The following DPP10 variants were observed in gnomAD, a reference collection of about 807,000 sequenced individuals.
DPP10 encodes the protein inactive dipeptidyl peptidase 10.
DPP10 carries 33 observed loss-of-function variants against 120.9 expected under a neutral mutation model. The ratio of observed to expected loss-of-function variants is 0.27; its 90% confidence interval spans 0.21 to 0.37. The LOEUF is 0.37. Ranked by LOEUF, DPP10 falls within the 10% of genes least tolerant of loss-of-function variation. The pLI, the probability that DPP10 is intolerant of heterozygous loss-of-function variation, is 1.00. For synonymous variants in DPP10, 337 were observed against 326.1 expected (o/e 1.03, Z -0.36); for missense variants, 816 against 942.8 (o/e 0.87, Z 1.76).
At chr2:115,767,540 A>ACATAATATATATATATATAT (rs1194199662) in intron 12 of DPP10, among the ~76,000 whole-genome samples, 11 of 151,372 alleles carry the variant, frequency 7.3e-5, no homozygotes, top group Non-Finnish European at 1.5e-4. Context: ...AAATATATAT[A>ACATAATATATATATATATAT]GTGTGTGTAT....
intron 1 of DPP10, among the ~76,000 whole-genome samples, chr2:115,227,303 T>G (rs1023057873): frequency 2.0e-5 from 3 of 152,180 alleles, no homozygotes; most frequent in East Asian, 1.9e-4. Flanking sequence ...TTTTTTCTCA[T>G]AGTGAGGTCC....
chr2:114,465,001 T>C (rs1360807273), intron 1 of DPP10, among the ~76,000 whole-genome samples: 1 of 152,226 alleles, frequency 6.6e-6, no homozygotes, highest in African/African-American at 2.4e-5. Flanking sequence ...GTCAGAGTTG[T>C]CACACAGAAG....
At chr2:114,751,451 G>GACC (rs1338431252) in intron 1 of DPP10, among the ~76,000 whole-genome samples, 2 of 152,162 alleles carry the variant, frequency 1.3e-5, no homozygotes, top group Admixed American at 1.3e-4. Flanking sequence ...GCTGAGAAAT[G>GACC]ACCTTCTGTG....
At chr2:114,624,705 T>G (rs1694374061) in intron 1 of DPP10, among the ~76,000 whole-genome samples, 2 of 152,026 alleles carry the variant, frequency 1.3e-5, no homozygotes, top group African/African-American at 4.8e-5. Context: ...ATTACTAATG[T>G]GTTAATATCC....
intron 1 of DPP10, among the ~76,000 whole-genome samples, chr2:115,105,067 T>C (rs775308461): frequency 1.3e-5 from 2 of 152,140 alleles, no homozygotes; most frequent in Non-Finnish European, 2.9e-5. Flanking sequence ...AATTTCCCCA[T>C]GGTTACAAGG....
chr2:115,216,549 C>T (rs2056831470), intron 1 of DPP10, among the ~76,000 whole-genome samples: 2 of 151,970 alleles, frequency 1.3e-5, no homozygotes, highest in Admixed American at 6.6e-5. Flanking sequence ...TTTGGGAGGC[C>T]GAGGCAGGTG....
chr2:114,796,429 A>G (rs1683719161), intron 1 of DPP10, among the ~76,000 whole-genome samples: 1 of 151,844 alleles, frequency 6.6e-6, no homozygotes, highest in Non-Finnish European at 1.5e-5. Context: ...TGATTTTAAC[A>G]TTTTCTTTTC....
intron 1 of DPP10, among the ~76,000 whole-genome samples, chr2:115,148,494 A>G (rs191565254): frequency 6.6e-6 from 1 of 152,274 alleles, no homozygotes; most frequent in East Asian, 1.9e-4. Flanking sequence ...CATTTTGGAG[A>G]GGCAGGAGCA....
chr2:115,275,156 C>T (rs1055604167), intron 1 of DPP10, among the ~76,000 whole-genome samples: 2 of 152,168 alleles, frequency 1.3e-5, no homozygotes, highest in African/African-American at 4.8e-5. Flanking sequence ...GGGCATTTCA[C>T]AAAATGGACA....
intron 1 of DPP10, among the ~76,000 whole-genome samples, chr2:115,116,174 G>A (rs993184708): frequency 3.3e-5 from 5 of 152,018 alleles, no homozygotes; most frequent in Non-Finnish European, 1.5e-5. Context: ...CACTTACACA[G>A]TCTATGGGAC....
At position 115,161,993 on chromosome 2, in the gene DPP10, G is replaced by T. The variant is rs533316032; in HGVS notation, c.61-147246G>T. 595 of 1,393,454 alleles carry T rather than the reference G, an allele frequency of 4.3e-4. 14 individuals are homozygous for T. The South Asian group carries it at 6.5e-3, about 15-fold the overall frequency. The allele number at this position is 1,393,454 out of a possible 1,614,324, so 86.3% of individuals were successfully genotyped here. A position where few individuals can be genotyped will look rare whatever the true frequency, so the allele number is the denominator to read the frequency against. On this transcript the variant is annotated intron_variant, in intron 1 of 25. Coordinates refer to ENST00000410059, the MANE Select transcript of DPP10 (RefSeq NM_020868.6). The stretch of plus-strand genomic sequence containing the variant: ...GAAGCAGGAGCCGCAGCCCACCCCG[G>T]GGGCCAGGGCGAGCCAGGCGCAGCC...
intron 5 of DPP10, among the ~76,000 whole-genome samples, chr2:115,651,167 A>T (rs1281517711): frequency 6.6e-6 from 1 of 152,004 alleles, no homozygotes; most frequent in Non-Finnish European, 1.5e-5. Flanking sequence ...CTAGTCCAAA[A>T]CTATTTTTTT....
intron 5 of DPP10, among the ~76,000 whole-genome samples, chr2:115,592,596 A>T (rs1308003499): frequency 6.6e-6 from 1 of 151,956 alleles, no homozygotes; most frequent in Non-Finnish European, 1.5e-5. Flanking sequence ...AAACAAAAAA[A>T]AAAACAAAAA....
intron 11 of DPP10, among the ~76,000 whole-genome samples, chr2:115,761,471 A>C (rs1680106487): frequency 6.6e-6 from 1 of 152,198 alleles, no homozygotes; most frequent in Admixed American, 6.5e-5. Context: ...AAGACTTTGC[A>C]TTCTGTTAAT....
At chr2:115,478,481 A>T (rs571296031) in intron 3 of DPP10, among the ~76,000 whole-genome samples, 1 of 152,200 alleles carries the variant, frequency 6.6e-6, no homozygotes, top group Non-Finnish European at 1.5e-5. Context: ...AAAAGCCTCA[A>T]GATTTGGGTT....
chr2:115,289,546 A>G (rs867462266), intron 1 of DPP10, among the ~76,000 whole-genome samples: 1 of 151,548 alleles, frequency 6.6e-6, no homozygotes, highest in Non-Finnish European at 1.5e-5. Flanking sequence ...AGCCAAAGCA[A>G]TTCCAAGAAA....
At chr2:115,616,927 G>A (rs2084548592) in intron 5 of DPP10, among the ~76,000 whole-genome samples, 1 of 151,956 alleles carries the variant, frequency 6.6e-6, no homozygotes, top group African/African-American at 2.4e-5. Context: ...TTGAAAGCTT[G>A]AGGTGCATAA....
chr2:115,033,235 A>G (rs917990970), intron 1 of DPP10, among the ~76,000 whole-genome samples: 1 of 152,184 alleles, frequency 6.6e-6, no homozygotes, highest in Non-Finnish European at 1.5e-5. Context: ...TGGGAGAGTG[A>G]GGATTAAACC....
At chr2:115,524,675 A>G (rs1320266332) in intron 4 of DPP10, among the ~76,000 whole-genome samples, 1 of 152,130 alleles carries the variant, frequency 6.6e-6, no homozygotes, top group East Asian at 1.9e-4. Context: ...CGCATGATTG[A>G]TGTGATCTGA....
Sources: allele counts gnomAD v4.1 joint callset (sites outside exome capture counted in the v4.1 genomes callset), GRCh38; gene constraint gnomAD v4.1.1; transcripts MANE v1.5; gene names NCBI Gene and HGNC (gene_info 2026-07-23, HGNC 2026-07-21).